ZMIZ1: variants seen among roughly 807,000 people sequenced by gnomAD.
The protein encoded by ZMIZ1 is zinc finger MIZ domain-containing protein 1.
A neutral mutation model predicts 113.9 loss-of-function variants in ZMIZ1; 17 were observed. The ratio of observed to expected loss-of-function variants is 0.15; its 90% CI spans 0.10 to 0.22. ZMIZ1 has a LOEUF of 0.22. Among genes scored for constraint, ZMIZ1 ranks in the 10% least tolerant of loss-of-function variants. ZMIZ1 has a pLI of 1.00. For synonymous variants in ZMIZ1, 607 were observed against 603.1 expected (o/e 1.01, Z -0.09); for missense variants, 1,059 against 1,477.8 (o/e 0.72, Z 4.65).
At chr10:79,264,513 G>A (rs944542383) in intron 7 of ZMIZ1, among the ~76,000 whole-genome samples, 7 of 152,168 alleles carry the variant, frequency 4.6e-5, no homozygotes, top group Non-Finnish European at 8.8e-5. Context: ...TCCTACTGAG[G>A]TGGTCTAGAG....
At chr10:79,298,125 C>T (rs1854031645) in intron 14 of ZMIZ1, among the ~76,000 whole-genome samples, 1 of 152,144 alleles carries the variant, frequency 6.6e-6, no homozygotes. Context: ...AACCCTGAGC[C>T]TCTGTGTCCC....
At position 79,174,783 on chromosome 10, in the gene ZMIZ1, C is replaced by G. The variant is rs531607631; in HGVS notation, c.-50+12650C>G. 3.9e-5 allele frequency among the ~76,000 whole-genome samples: 6 copies of G among 152,356 alleles called. No homozygotes were observed. The South Asian group carries it at 1.2e-3, about 32-fold the overall frequency. ...CACAAGATGCAGGCTCAGTGTAAAA[C>G]TCTGGATGCCAGAGGCTGGGGGATC... On this transcript the variant is annotated intron_variant, in intron 4 of 24. Transcript: ENST00000334512.
chr10:79,216,685 G>T (rs1250584), intron 7 of ZMIZ1, among the ~76,000 whole-genome samples: 51,590 of 152,118 alleles, frequency 0.34, 10,116 homozygotes, highest in Non-Finnish European at 0.46. Context: ...CAGCTGGAAG[G>T]CAGCAGAGCA....
chr10:79,284,156 C>G (rs1309766258), intron 8 of ZMIZ1, among the ~76,000 whole-genome samples: 2 of 152,202 alleles, frequency 1.3e-5, no homozygotes, highest in Non-Finnish European at 2.9e-5. Context: ...TGCCTTATCC[C>G]AGGCCTTGCT....
chr10:79,106,568 G>T (rs1843567415), intron 1 of ZMIZ1, among the ~76,000 whole-genome samples: 1 of 152,240 alleles, frequency 6.6e-6, no homozygotes, highest in East Asian at 1.9e-4. Flanking sequence ...ATTGAGCCCA[G>T]AAGCTCCTAT....
chr10:79,113,450 T>C (rs561479147), intron 1 of ZMIZ1, among the ~76,000 whole-genome samples: 1 of 152,194 alleles, frequency 6.6e-6, no homozygotes, highest in East Asian at 1.9e-4. Flanking sequence ...CGTCCACACC[T>C]GGAGGGTCCT....
At chr10:79,163,701 C>A (rs1030619446) in intron 4 of ZMIZ1, among the ~76,000 whole-genome samples, 1 of 152,222 alleles carries the variant, frequency 6.6e-6, no homozygotes, top group Non-Finnish European at 1.5e-5. Flanking sequence ...GGCGGGGCCC[C>A]AGGACAAGCA....
Position 79,287,974 on chromosome 10 carries a change from G to A in ZMIZ1, c.426-1801G>A, listed in dbSNP as rs1330503821. Among the ~76,000 whole-genome samples the A allele has an allele frequency of 1.4e-4, 22 of 152,290 alleles. No individual in the cohort carries two copies. In the East Asian group the frequency reaches 1.7e-3, roughly 12 times the overall value. ...CCAGGGTGAGGGGGCAGGCAGTGTC[G>A]GGTAGGAGCTGCTTTTTTATACGAG... On this transcript the variant is annotated intron_variant, in intron 8 of 24. Transcript: ENST00000334512.
At chr10:79,217,743 A>T (rs1848797798) in intron 7 of ZMIZ1, among the ~76,000 whole-genome samples, 1 of 152,184 alleles carries the variant, frequency 6.6e-6, no homozygotes, top group Non-Finnish European at 1.5e-5. Flanking sequence ...ATGGCGCTGC[A>T]CACATAGATG....
At chr10:79,134,801 T>C (rs1191935822) in intron 2 of ZMIZ1, among the ~76,000 whole-genome samples, 1 of 152,168 alleles carries the variant, frequency 6.6e-6, no homozygotes, top group Non-Finnish European at 1.5e-5. Context: ...AAAAAAAAAG[T>C]AATTGGTTTA....
At chr10:79,305,495 C>T (rs373512236) in intron 20 of ZMIZ1, 38 bp from the exon 21 acceptor site, 37 of 1,609,618 alleles carry the variant, frequency 2.3e-5, no homozygotes, top group Non-Finnish European at 3.1e-5. Flanking sequence ...CTCCTTGGGT[C>T]CTGGAGCAGA....
At chr10:79,094,402 C>G (rs547797887) in intron 1 of ZMIZ1, among the ~76,000 whole-genome samples, 2 of 152,388 alleles carry the variant, frequency 1.3e-5, no homozygotes, top group East Asian at 1.9e-4. Flanking sequence ...GGCTGCCAGA[C>G]AGTCTGCAGA....
At chr10:79,135,547 A>C (rs1844963581) in intron 2 of ZMIZ1, among the ~76,000 whole-genome samples, 1 of 152,224 alleles carries the variant, frequency 6.6e-6, no homozygotes, top group South Asian at 2.1e-4. Flanking sequence ...TAGGTGAGAC[A>C]CTGACTGGCC....
At chr10:79,125,925 G>A (rs1199549037) in intron 2 of ZMIZ1, among the ~76,000 whole-genome samples, 5 of 152,198 alleles carry the variant, frequency 3.3e-5, no homozygotes, top group African/African-American at 1.2e-4. Flanking sequence ...GGGTGCAGAG[G>A]CTGGCAGGGG....
At chr10:79,171,009 C>T (rs1417963634) in intron 4 of ZMIZ1, among the ~76,000 whole-genome samples, 12 of 152,168 alleles carry the variant, frequency 7.9e-5, no homozygotes, top group East Asian at 3.9e-4. Context: ...TTCTTGGACC[C>T]GCACTGTCAG....
chr10:79,257,910 G>A (rs1851022021), intron 7 of ZMIZ1, among the ~76,000 whole-genome samples: 2 of 152,246 alleles, frequency 1.3e-5, no homozygotes, highest in African/African-American at 4.8e-5. Context: ...AACCCAGAGG[G>A]AAGGGACCTC....
chr10:79,191,441 G>C (rs1022453918), intron 4 of ZMIZ1, among the ~76,000 whole-genome samples: 1 of 152,120 alleles, frequency 6.6e-6, no homozygotes, highest in African/African-American at 2.4e-5. Flanking sequence ...TCGGGTAACT[G>C]TTCTCACCCC....
intron 3 of ZMIZ1, among the ~76,000 whole-genome samples, chr10:79,149,978 G>T (rs904811691): frequency 6.6e-6 from 1 of 152,260 alleles, no homozygotes; most frequent in African/African-American, 2.4e-5. Context: ...CACTAAGCAG[G>T]CCAGCGTGGC....
chr10:79,112,780 AT>A (rs926743846), intron 1 of ZMIZ1, among the ~76,000 whole-genome samples: 1 of 152,230 alleles, frequency 6.6e-6, no homozygotes, highest in African/African-American at 2.4e-5. Context: ...ATGTCTGGGC[AT>A]TTGGGGAGGG....
Sources: allele counts gnomAD v4.1 joint callset (sites outside exome capture counted in the v4.1 genomes callset), GRCh38; gene constraint gnomAD v4.1.1; transcripts MANE v1.5; gene names NCBI Gene and HGNC (gene_info 2026-07-23, HGNC 2026-07-21).